NBPF26: variants seen among roughly 807,000 people sequenced by gnomAD.
NBPF26 encodes NBPF member 26.
A neutral mutation model predicts 119.6 loss-of-function variants in NBPF26; 79 were observed. The observed-to-expected ratio is 0.66, with a 90% confidence interval of 0.55 to 0.80. The LOEUF (loss-of-function observed/expected upper bound fraction) is 0.80, where lower values mean the gene tolerates loss of function less well. Among genes scored for constraint, NBPF26 ranks in the 30% least tolerant of loss-of-function variants. The pLI is 0.00. For synonymous variants in NBPF26, 299 were observed against 457.7 expected, an observed-to-expected ratio of 0.65 and a Z score of 4.43; for missense variants, 800 against 1,198.2, an observed-to-expected ratio of 0.67 and a Z score of 4.91.
At chr1:120,822,049 G>A in intron 15 of NBPF26, 55 bp from the exon 16 acceptor site, 2 of 1,446,948 alleles carry the variant, frequency 1.4e-6, no homozygotes, top group Non-Finnish European at 1.8e-6. Context: ...AGGTTTTGTT[G>A]TCTAAAGTCT....
At position 120,823,809 on chromosome 1, in the gene NBPF26, C is replaced by T. The variant is rs1325427561; in HGVS notation, c.2640-165C>T. ...GTGTGTGTCTTTCATCTTTTTCTACCTGGCCCTGTTCTATCCCAACATAAA... is the reference window on the plus strand; with the variant it reads ...GTGTGTGTCTTTCATCTTTTTCTACTTGGCCCTGTTCTATCCCAACATAAA... On this transcript the variant is annotated intron_variant, in intron 17 of 29. Coordinates refer to ENST00000620612, the Ensembl canonical transcript of NBPF26. Among the ~76,000 whole-genome samples, 4 of 107,786 alleles carry T rather than the reference C, an allele frequency of 3.7e-5. 1 individual carries two copies. The highest frequency in any genetic ancestry group is 1.8e-4 in the Admixed American group (2 of 11,212). 70.7% of individuals were successfully genotyped at this position (107,786 alleles called of 152,430 possible).
intron 1 of NBPF26, among the ~76,000 whole-genome samples, chr1:120,751,630 TCTTTCCTTTC>T (rs1325355267): frequency 3.4e-5 from 2 of 59,612 alleles, no homozygotes; most frequent in Non-Finnish European, 7.8e-5. Flanking sequence ...TCTTCCCTTT[TCTTTCCTTTC>T]CTTTCCTTTC....
rs1652164076 is a variant in NBPF26, at chr1:120,823,290, C to T, written c.2588-19C>T. ...AAGAACTGCTTAATGTAAGAGGGCC[C>T]ATCTGAATTTATTTGCAGGACATCG... On this transcript the variant is annotated intron_variant, in intron 16 of 29. Coordinates refer to ENST00000620612, the Ensembl canonical transcript of NBPF26. 6 of 1,285,356 alleles carry T rather than the reference C, an allele frequency of 4.7e-6. 1 individual carries two copies. Among genetic ancestry groups the T allele is most frequent in the South Asian group, 1.2e-5 (1 of 80,972 alleles). The allele number at this position is 1,285,356 out of a possible 1,614,324, so 79.6% of individuals were successfully genotyped here.
In NBPF26 at chr1:120,814,774, G is replaced by A. The variant is rs1651969223; in HGVS notation, c.1878-55G>A. 5 of 1,086,910 alleles carry A rather than the reference G, an allele frequency of 4.6e-6. No individual in the cohort carries two copies. The East Asian group carries it at 7.0e-5, about 15-fold the overall frequency. 67.3% of individuals were successfully genotyped at this position (1,086,910 alleles called of 1,614,324 possible). On this transcript the variant is annotated intron_variant, in intron 11 of 29. Transcript: ENST00000620612. ...CTCAGAAATCTCTGTTGCAATATTTGAGCGGATCACTCAACCCTTTCTACT... is the reference window on the plus strand; with the variant it reads ...CTCAGAAATCTCTGTTGCAATATTTAAGCGGATCACTCAACCCTTTCTACT...
At chr1:120,811,013 G>T (rs1286538775) in intron 9 of NBPF26, among the ~76,000 whole-genome samples, 1 of 104,376 alleles carries the variant, frequency 9.6e-6, no homozygotes, top group Admixed American at 9.1e-5. Flanking sequence ...GGCCGAGGCG[G>T]GTGGATCATG....
rs1651928982 is a variant in NBPF26 at position 120,813,543 on chromosome 1, C to A, written c.1775-348C>A. Among the ~76,000 whole-genome samples, 2 of 127,802 alleles carry A rather than the reference C, an allele frequency of 1.6e-5. 1 individual carries two copies. The highest frequency in any genetic ancestry group is 7.3e-5 in the African/African-American group (2 of 27,560). 83.8% of individuals were successfully genotyped at this position (127,802 alleles called of 152,430 possible). A position where few individuals can be genotyped will look rare whatever the true frequency, so the allele number is the denominator to read the frequency against. On this transcript the variant is annotated intron_variant, in intron 10 of 29. Coordinates refer to ENST00000620612, the Ensembl canonical transcript of NBPF26. ...CTGTACAAGAAATCACTACTTCATGCCCCAGTGCAGTGTTTTAGAGGAGAG... is the reference window on the plus strand; with the variant it reads ...CTGTACAAGAAATCACTACTTCATGACCCAGTGCAGTGTTTTAGAGGAGAG...
chr1:120,804,904 C>T (rs1201243043), intron 4 of NBPF26, among the ~76,000 whole-genome samples: 5 of 119,818 alleles, frequency 4.2e-5, no homozygotes, highest in South Asian at 2.5e-4. Flanking sequence ...GCAGAAGACC[C>T]GGAGGATATC....
In NBPF26 at chr1:120,840,513, T is replaced by A. The variant is rs1553273533; in HGVS notation, c.4267T>A (p.Tyr1423Asn). 1.4e-6 allele frequency: 2 copies of A among 1,475,340 alleles called. 1 individual carries two copies. The highest frequency in any genetic ancestry group is 1.8e-6 in the Non-Finnish European group (2 of 1,089,862). The allele number at this position is 1,475,340 out of a possible 1,614,324, so 91.4% of individuals were successfully genotyped here. The stretch of plus-strand genomic sequence containing the variant: ...GGAAGAGCATATCAGCTTCGCCCTT[T>A]ACGTGGACAATAGGTTTTTTACTTT... The change falls in exon 30 of 30, where the codon TAC (tyrosine) becomes AAC (asparagine). Residue 1423 changes from tyrosine to asparagine, a missense_variant. By Grantham distance (143) the Tyr-to-Asn change is moderately radical (BLOSUM62 -2). This residue lies in a region of NBPF26 where 155 missense variants were observed against 95.9 expected (regional missense o/e 1.62). Coordinates refer to ENST00000620612, the Ensembl canonical transcript of NBPF26.
chr1:120,752,519 AATATATAT>A (rs1204399606), intron 1 of NBPF26, among the ~76,000 whole-genome samples: 8 of 14,660 alleles, frequency 5.5e-4, no homozygotes, highest in African/African-American at 1.4e-3. Flanking sequence ...GAAGTTCAGG[AATATATAT>A]ATATATATAT....
rs1553269129 is a variant in NBPF26, at chr1:120,802,765, C to T, written c.752-2791C>T. Among the ~76,000 whole-genome samples, 2 of 117,772 alleles carry T rather than the reference C, an allele frequency of 1.7e-5. 1 individual carries two copies. The highest frequency in any genetic ancestry group is 1.6e-4 in the Admixed American group (2 of 12,308). The allele number at this position is 117,772 out of a possible 152,430, so 77.3% of individuals were successfully genotyped here. A position where few individuals can be genotyped will look rare whatever the true frequency, so the allele number is the denominator to read the frequency against. On this transcript the variant is annotated intron_variant, in intron 4 of 29. Coordinates refer to ENST00000620612, the Ensembl canonical transcript of NBPF26. ...AAACTCGAAATTTAACAGGTTCTTT[C>T]AGTTTCAGGACAGTTGTGTTCACTA... is the stretch of plus-strand genomic sequence containing the variant.
Position 120,724,172 on chromosome 1 carries a change from G to A in NBPF26, c.-6G>A, listed in dbSNP as rs1435462748. Reference sequence around the variant, plus strand: ...GGCGGAGGAGGAGGAGGAGGCGACCGAGAAGATGCCCGCCCTGCGTCCCGC... The same window carrying A: ...GGCGGAGGAGGAGGAGGAGGCGACCAAGAAGATGCCCGCCCTGCGTCCCGC... On this transcript the variant is annotated 5_prime_UTR_variant, in exon 1 of 30. Transcript: ENST00000620612. 34 of 1,388,590 alleles carry A rather than the reference G, an allele frequency of 2.4e-5. 7 individuals are homozygous for A. Among genetic ancestry groups the A allele is most frequent in the Non-Finnish European group, 3.2e-5 (34 of 1,062,410 alleles). The allele number at this position is 1,388,590 out of a possible 1,614,324, so 86.0% of individuals were successfully genotyped here.
intron 15 of NBPF26, among the ~76,000 whole-genome samples, chr1:120,819,621 T>C (rs1652089663): frequency 9.7e-6 from 1 of 103,012 alleles, no homozygotes. Context: ...CTGGTACCGA[T>C]TGTTCCTTTC....
intron 23 of NBPF26, among the ~76,000 whole-genome samples, chr1:120,833,365 T>TTCTC (rs1220747824): frequency 0.78 from 25,607 of 32,918 alleles, 11,066 homozygotes; most frequent in East Asian, 0.93. Context: ...CTAGGTCACT[T>TTCTC]TCTCTCTGTC....
intron 14 of NBPF26, among the ~76,000 whole-genome samples, chr1:120,817,828 G>T (rs1652041475): frequency 9.6e-6 from 1 of 104,232 alleles, no homozygotes; most frequent in Non-Finnish European, 1.8e-5. Flanking sequence ...TTAGAAAATT[G>T]TTTGACCAAT....
chr1:120,793,543 A>C (rs1651519312), intron 4 of NBPF26, 47 bp downstream of exon 4: 1 of 1,106,424 alleles, frequency 9.0e-7, no homozygotes, highest in Non-Finnish European at 1.3e-6. Flanking sequence ...AACCCCTAGC[A>C]CAGGAGGTAG....
chr1:120,763,637 G>A lies in NBPF26; in HGVS notation c.83G>A (p.Cys28Tyr), dbSNP rs1557982626. The A allele has an allele frequency of 5.0e-6, 7 of 1,389,290 alleles. 1 individual carries two copies. Among genetic ancestry groups the A allele is most frequent in the Non-Finnish European group, 6.8e-6 (7 of 1,034,404 alleles). 86.1% of individuals were successfully genotyped at this position (1,389,290 alleles called of 1,614,324 possible). A position where few individuals can be genotyped will look rare whatever the true frequency, so the allele number is the denominator to read the frequency against. Reference sequence around the variant, plus strand: ...TTGTTTTTATTTTTAGCATTGCAGTGTCGAGATGGCTATGAACCCTGTGTA... The same window carrying A: ...TTGTTTTTATTTTTAGCATTGCAGTATCGAGATGGCTATGAACCCTGTGTA... Residue 28 changes from cysteine (C) to tyrosine (Y), a missense_variant, in exon 2 of 30, where the codon TGT becomes TAT. Physicochemically the swap from Cys to Tyr is radical, Grantham distance 194. Coordinates refer to ENST00000620612, the Ensembl canonical transcript of NBPF26.
exon 4 of NBPF26, chr1:120,793,371 G>A (rs1177372847): frequency 2.1e-6 from 3 of 1,432,110 alleles, no homozygotes; most frequent in Non-Finnish European, 2.8e-6. Context: ...CAGTGCCAGT[G>A]CCTTCAGGGC....
chr1:120,812,498 C>T (rs1405224917), intron 10 of NBPF26, among the ~76,000 whole-genome samples: 1 of 52,234 alleles, frequency 1.9e-5, no homozygotes, highest in Admixed American at 2.1e-4. Context: ...TCTGTTGAGG[C>T]CCAACAGGCA....
At chr1:120,810,060 C>A (rs1651820513) in intron 8 of NBPF26, among the ~76,000 whole-genome samples, 177 bp downstream of exon 8, 1 of 131,862 alleles carries the variant, frequency 7.6e-6, no homozygotes, top group Admixed American at 7.2e-5. Context: ...TCTATGTGTG[C>A]CAAGTGTCAT....
Sources: allele counts gnomAD v4.1 joint callset (sites outside exome capture counted in the v4.1 genomes callset), GRCh38; gene constraint gnomAD v4.1.1; regional missense constraint gnomAD v4.1.1; transcripts MANE v1.5; gene names NCBI Gene and HGNC (gene_info 2026-07-23, HGNC 2026-07-21).